Variants in ANK3 observed in about 807,000 individuals in gnomAD.
The protein encoded by ANK3 is ankyrin-3.
A neutral mutation model predicts 370.9 loss-of-function variants in ANK3; 57 were observed. The ratio of observed to expected loss-of-function variants is 0.15; its 90% CI spans 0.12 to 0.19. The LOEUF (loss-of-function observed/expected upper bound fraction) is 0.19. ANK3 is among the 10% of genes least tolerant of loss of function. The probability of loss-of-function intolerance (pLI) is 1.00; values close to 1 mark genes in which losing one functional copy is unlikely to be tolerated. For missense variants in ANK3, 4,439 were observed against 5,302.1 expected, an observed-to-expected ratio of 0.84 and a Z score of 5.06; for synonymous variants, 1,929 against 1,946.3, an observed-to-expected ratio of 0.99 and a Z score of 0.23.
intron 1 of ANK3, among the ~76,000 whole-genome samples, chr10:60,316,704 TAAGTA>T (rs2047497106): frequency 6.6e-6 from 1 of 152,162 alleles, no homozygotes; most frequent in Non-Finnish European, 1.5e-5. Flanking sequence ...GCCTATATCG[TAAGTA>T]TAGTTTAACC....
chr10:60,259,107 G>A (rs2097771973), intron 7 of ANK3, among the ~76,000 whole-genome samples: 1 of 152,184 alleles, frequency 6.6e-6, no homozygotes, highest in Non-Finnish European at 1.5e-5. Flanking sequence ...AGACTCCTTG[G>A]AAGCTGGGAA....
chr10:60,234,776 G>C lies in ANK3; in HGVS notation c.809C>G (p.Thr270Ser). 1.2e-6 allele frequency: 2 copies of C among 1,608,100 alleles called. No homozygotes were observed. The highest frequency in any genetic ancestry group is 1.7e-6 in the Non-Finnish European group (2 of 1,174,762). ...AVDFTARNDI[T>S]PLHVASKRGN... ...TCTTTTTGATGCAACATGTAAAGGA[G>C]TGATGTCATTCTGGGAAGAAGAGGA... The change falls in exon 8 of 44, where the codon ACT (threonine) becomes AGT (serine). Residue 270 changes from threonine to serine, a missense_variant. By Grantham distance (58) the Thr-to-Ser change is moderately conservative. Around this residue, in one of 13 missense-constraint regions of ANK3, gnomAD observed 227 missense variants for 377.6 expected, o/e 0.60. Transcript: ENST00000280772.
At chr10:60,609,738 C>T (rs894351636) in intron 2 of ANK3, among the ~76,000 whole-genome samples, 1 of 152,082 alleles carries the variant, frequency 6.6e-6, no homozygotes, top group African/African-American at 2.4e-5. Context: ...ATAATTGCAT[C>T]CAACAACATC....
At chr10:60,598,041 T>C (rs997893284) in intron 2 of ANK3, among the ~76,000 whole-genome samples, 2 of 152,178 alleles carry the variant, frequency 1.3e-5, no homozygotes, top group African/African-American at 4.8e-5. Context: ...AAAAATAAAT[T>C]TGGGCAGAAG....
rs1331829679 is a variant in ANK3 at position 60,468,995 on chromosome 10, GTGTATA to G, written c.96+146185_96+146190del. On this transcript the variant is annotated intron_variant, in intron 2 of 43. Coordinates refer to the ANK3 transcript ENST00000373827. ...CCACTATATATATACCACTTTTAGTGTGTATATATATATATATATATATACCACTTT... is the reference window on the plus strand; with the variant it reads ...CCACTATATATATACCACTTTTAGTGTATATATATATATATATACCACTTT... Among the ~76,000 whole-genome samples, 92 of 34,560 alleles carry G rather than the reference GTGTATA, an allele frequency of 2.7e-3. 11 individuals are homozygous for G. The highest frequency in any genetic ancestry group is 5.6e-3 in the African/African-American group (51 of 9,160). The allele number at this position is 34,560 out of a possible 152,430, so 22.7% of individuals were successfully genotyped here.
intron 2 of ANK3, among the ~76,000 whole-genome samples, chr10:60,473,966 CAA>C (rs139841930): frequency 0.49 from 45,336 of 91,976 alleles, 8,594 homozygotes; most frequent in Middle Eastern, 0.61. Context: ...CCTGTTTCTA[CAA>C]AAAAAAAAAA....
chr10:60,567,101 T>C (rs2077481541), intron 2 of ANK3, among the ~76,000 whole-genome samples: 1 of 152,158 alleles, frequency 6.6e-6, no homozygotes, highest in Non-Finnish European at 1.5e-5. Flanking sequence ...ATCCAGAAGA[T>C]CTAGCAAAGA....
intron 21 of ANK3, among the ~76,000 whole-genome samples, chr10:60,170,795 TAACTC>T (rs1327551937): frequency 6.6e-6 from 1 of 152,210 alleles, no homozygotes; most frequent in Non-Finnish European, 1.5e-5. Flanking sequence ...ATTTTGTTCT[TAACTC>T]TACTTTCTCT....
At chr10:60,403,383 A>G (rs931520389) in intron 2 of ANK3, among the ~76,000 whole-genome samples, 10 of 152,176 alleles carry the variant, frequency 6.6e-5, no homozygotes, top group Admixed American at 5.2e-4. Flanking sequence ...TAGTAAGCAA[A>G]TTACAGATAT....
intron 1 of ANK3, among the ~76,000 whole-genome samples, chr10:60,644,430 T>C (rs1184259648): frequency 1.3e-5 from 2 of 152,248 alleles, no homozygotes; most frequent in African/African-American, 4.8e-5. Context: ...TCCTTCATGT[T>C]ATGTTTCTAA....
At chr10:60,356,750 C>T (rs207471038) in intron 1 of ANK3, among the ~76,000 whole-genome samples, 1 of 152,132 alleles carries the variant, frequency 6.6e-6, no homozygotes, top group African/African-American at 2.4e-5. Flanking sequence ...ACTGTGTGAC[C>T]CAGGCTGGAG....
intron 1 of ANK3, among the ~76,000 whole-genome samples, chr10:60,362,455 C>T (rs1056631148): frequency 2.0e-5 from 3 of 152,154 alleles, no homozygotes; most frequent in African/African-American, 7.2e-5. Context: ...GACTAAATGG[C>T]TATCACTATT....
chr10:60,070,739 T>G lies in ANK3; in HGVS notation c.10142A>C (p.Glu3381Ala), dbSNP rs745426523. The change falls in exon 37 of 44, where the codon GAA becomes GCA. Residue 3381 changes from glutamate to alanine, a missense_variant. By Grantham distance (107) the Glu-to-Ala change is moderately radical. Transcript: ENST00000280772. The surrounding 1 kb of genome is among the most constrained non-coding windows in gnomAD (Gnocchi z 5.7). The part of the protein sequence containing the change: ...FGLGLDSPQN[E>A]IAQNGNNDQS... ...GTCGTTGTTCCCATTCTGGGCAATT[T>G]CATTCTGAGGTGAATCAAGGCCAAG... is the stretch of plus-strand genomic sequence containing the variant. 9.9e-6 allele frequency: 16 copies of G among 1,614,222 alleles called. No homozygotes were observed. The East Asian group carries it at 3.3e-4, about 34-fold the overall frequency.
chr10:60,392,601 G>C (rs1341704707), upstream of ANK3, among the ~76,000 whole-genome samples: 1 of 152,184 alleles, frequency 6.6e-6, no homozygotes, highest in Non-Finnish European at 1.5e-5. Flanking sequence ...CATAGGATGG[G>C]CGTGGCCCAT....
rs574815661 is a variant in ANK3 at position 60,203,668 on chromosome 10, T to A, written c.1294-568A>T. ...TTATGGGTATTATAAATTAAAGCAA[T>A]CTAAATAAAGCAAATATTACAATGG... On this transcript the variant is annotated intron_variant, in intron 11 of 43. Transcript: ENST00000280772. 2.6e-4 allele frequency among the ~76,000 whole-genome samples: 39 copies of A among 152,340 alleles called. 1 individual carries two copies. The highest frequency in any genetic ancestry group is 8.4e-4 in the African/African-American group (35 of 41,584).
In ANK3 at chr10:60,589,749, A is replaced by T. The variant is rs916631104; in HGVS notation, c.96+25437T>A. Among the ~76,000 whole-genome samples, 4 of 152,250 alleles carry T rather than the reference A, an allele frequency of 2.6e-5. No homozygotes were observed. The East Asian group carries it at 7.7e-4, about 29-fold the overall frequency. On this transcript the variant is annotated intron_variant, in intron 2 of 43. Coordinates refer to the ANK3 transcript ENST00000373827. Reference sequence around the variant, plus strand: ...TCCTTTCAACAATTTTCATTCTGAAAGGTCTTAGATGGAAAAAGATTCCAT... The same window carrying T: ...TCCTTTCAACAATTTTCATTCTGAATGGTCTTAGATGGAAAAAGATTCCAT...
At chr10:60,572,777 A>G in intron 2 of ANK3, 1 of 1,253,318 alleles carries the variant, frequency 8.0e-7, no homozygotes, top group South Asian at 3.1e-5. Flanking sequence ...TATTCTTCTA[A>G]AGAAAATCAA....
chr10:60,410,911 C>A (rs1391922558), intron 2 of ANK3, among the ~76,000 whole-genome samples: 1 of 152,018 alleles, frequency 6.6e-6, no homozygotes, highest in Non-Finnish European at 1.5e-5. Context: ...CGGCCTCAGG[C>A]AATCCTCCTG....
intron 1 of ANK3, among the ~76,000 whole-genome samples, chr10:60,646,262 G>A (rs1383604645): frequency 2.6e-5 from 4 of 152,152 alleles, no homozygotes; most frequent in African/African-American, 9.7e-5. Flanking sequence ...AATACAGTAC[G>A]GTGTTAAGGA....
Sources: allele counts gnomAD v4.1 joint callset (sites outside exome capture counted in the v4.1 genomes callset), GRCh38; gene constraint gnomAD v4.1.1; regional missense constraint gnomAD v4.1.1; non-coding constraint Gnocchi (gnomAD v3.1); transcripts MANE v1.5; gene names NCBI Gene and HGNC (gene_info 2026-07-23, HGNC 2026-07-21).